The following COL24A1 variants were observed in gnomAD, a reference collection of about 807,000 sequenced individuals.
COL24A1 encodes collagen type XXIV alpha 1 chain.
Under a neutral mutation model 253.9 loss-of-function variants are expected in COL24A1, and 224 were observed. The observed-to-expected ratio is 0.88, with a 90% CI of 0.79 to 0.99. The LOEUF (loss-of-function observed/expected upper bound fraction) is 0.99. Ranked by LOEUF, COL24A1 falls within the 50% of genes least tolerant of loss-of-function variation. COL24A1 has a pLI of 0.00. For missense variants in COL24A1, 2,131 were observed against 2,068.5 expected, an observed-to-expected ratio of 1.03 and a Z score of -0.59; for synonymous variants, 685 against 673.7, an observed-to-expected ratio of 1.02 and a Z score of -0.26.
At position 85,734,786 on chromosome 1, in the gene COL24A1, G is replaced by GTGTT. The variant is rs1663871623; in HGVS notation, c.4957_4960dup (p.Thr1654LysfsTer5). On this transcript the variant is annotated frameshift_variant, in exon 59 of 60. Transcript: ENST00000370571. LOFTEE classifies it high-confidence loss of function. ...TGAAAGCACTTTAGGTTCAAGTAGAGTGTTTACTTTAAAAATCTGGCCATT... is the reference window on the plus strand; with the variant it reads ...TGAAAGCACTTTAGGTTCAAGTAGAGTGTTTGTTTACTTTAAAAATCTGGCCATT... 1.2e-6 allele frequency: 2 copies of GTGTT among 1,614,196 alleles called. No individual in the cohort carries two copies. Among genetic ancestry groups the GTGTT allele is most frequent in the Non-Finnish European group, 1.7e-6 (2 of 1,180,038 alleles).
Position 85,734,853 on chromosome 1 carries a change from G to T in COL24A1, c.4894C>A (p.Gln1632Lys), listed in dbSNP as rs1198226567. ...CLNTPRWTST[Q>K]TSGPGLPIGF... is the part of the protein sequence containing the mutation. ...ATAGGCAATCCTGGGCCACTTGTTTGTGTGCTTGTCCACCTTGGGGTGTTT... is the reference window on the plus strand; with the variant it reads ...ATAGGCAATCCTGGGCCACTTGTTTTTGTGCTTGTCCACCTTGGGGTGTTT... The change falls in exon 59 of 60, where the codon CAA (glutamine) becomes AAA (lysine). Residue 1632 changes from glutamine (Q) to lysine (K), a missense_variant. By Grantham distance (53) the Gln-to-Lys change is moderately conservative (BLOSUM62 1). Coordinates refer to ENST00000370571, the MANE Select transcript of COL24A1 (RefSeq NM_152890.7). 3 of 1,614,066 alleles carry T rather than the reference G, an allele frequency of 1.9e-6. No homozygotes were observed. The highest frequency in any genetic ancestry group is 2.5e-6 in the Non-Finnish European group (3 of 1,180,038).
At chr1:85,814,873 T>A (rs1382776326) in intron 47 of COL24A1, among the ~76,000 whole-genome samples, 1 of 152,214 alleles carries the variant, frequency 6.6e-6, no homozygotes, top group Non-Finnish European at 1.5e-5. Flanking sequence ...ATATATAGGA[T>A]ACTGGTTTCT....
chr1:85,855,645 T>G (rs1678342623), intron 37 of COL24A1, among the ~76,000 whole-genome samples: 1 of 152,234 alleles, frequency 6.6e-6, no homozygotes, highest in South Asian at 2.1e-4. Context: ...GCATCTATGT[T>G]CAACAGGGAT....
At chr1:86,077,694 T>C (rs1702351385) in intron 7 of COL24A1, among the ~76,000 whole-genome samples, 1 of 152,140 alleles carries the variant, frequency 6.6e-6, no homozygotes, top group African/African-American at 2.4e-5. Context: ...TGCAGGGACA[T>C]GGATGAAGCT....
At chr1:86,002,051 T>C (rs1695467174) in intron 19 of COL24A1, among the ~76,000 whole-genome samples, 1 of 152,208 alleles carries the variant, frequency 6.6e-6, no homozygotes, top group Non-Finnish European at 1.5e-5. Flanking sequence ...TTGACATATA[T>C]AATAGATATC....
chr1:86,021,298 T>G (rs1205960956), intron 18 of COL24A1, among the ~76,000 whole-genome samples: 1 of 152,172 alleles, frequency 6.6e-6, no homozygotes, highest in African/African-American at 2.4e-5. Flanking sequence ...CTATATCTAA[T>G]TTTTTCTATC....
At chr1:86,022,458 A>G in intron 17 of COL24A1, 80 bp downstream of exon 17, 3 of 1,352,490 alleles carry the variant, frequency 2.2e-6, no homozygotes, top group South Asian at 2.5e-5. Context: ...AACACAATAC[A>G]TGGATAAAAT....
chr1:85,745,133 T>C lies in COL24A1; in HGVS notation c.4504-299A>G, dbSNP rs72948683. On this transcript the variant is annotated intron_variant, in intron 56 of 59. Transcript: ENST00000370571. Reference sequence around the variant, plus strand: ...AGTTTAAATAAATGAGTAGTGATAATATATATATCTCATTTTAAGAAACAT... The same window carrying C: ...AGTTTAAATAAATGAGTAGTGATAACATATATATCTCATTTTAAGAAACAT... Among the ~76,000 whole-genome samples the C allele has an allele frequency of 8.8e-3, 1,339 of 152,158 alleles. 19 individuals are homozygous for C. The highest frequency in any genetic ancestry group is 0.031 in the African/African-American group (1,268 of 41,552).
chr1:85,743,881 CAT>C (rs1486826247), intron 57 of COL24A1, among the ~76,000 whole-genome samples: 1 of 152,008 alleles, frequency 6.6e-6, no homozygotes, highest in Non-Finnish European at 1.5e-5. Context: ...ATGTTTTGGA[CAT>C]GTGTGTATGT....
At chr1:86,113,362 A>G (rs919900447) in intron 4 of COL24A1, among the ~76,000 whole-genome samples, 7 of 152,148 alleles carry the variant, frequency 4.6e-5, no homozygotes, top group African/African-American at 1.2e-4. Context: ...GCTTACTTCA[A>G]TTTTGTACCC....
chr1:85,980,434 A>G (rs758141178), intron 20 of COL24A1, among the ~76,000 whole-genome samples: 1 of 152,158 alleles, frequency 6.6e-6, no homozygotes, highest in Admixed American at 6.5e-5. Context: ...AAAACCCTAA[A>G]GTCTCATCCG....
intron 37 of COL24A1, among the ~76,000 whole-genome samples, chr1:85,851,288 A>G (rs1677741935): frequency 6.6e-6 from 1 of 151,968 alleles, no homozygotes; most frequent in South Asian, 2.1e-4. Flanking sequence ...TCTTTAATTC[A>G]TTTACTTAAA....
chr1:86,128,677 A>G (rs1014387747), intron 2 of COL24A1, among the ~76,000 whole-genome samples: 1 of 151,932 alleles, frequency 6.6e-6, no homozygotes, highest in Non-Finnish European at 1.5e-5. Flanking sequence ...ATGTTTCTTT[A>G]TATGTATATT....
chr1:86,061,236 A>G (rs2101763321), intron 8 of COL24A1, among the ~76,000 whole-genome samples: 1 of 152,226 alleles, frequency 6.6e-6, no homozygotes. Flanking sequence ...GATTTGCTCT[A>G]GTATATTTAC....
chr1:86,078,638 C>T (rs748775194), intron 7 of COL24A1, among the ~76,000 whole-genome samples: 1 of 151,962 alleles, frequency 6.6e-6, no homozygotes, highest in African/African-American at 2.4e-5. Flanking sequence ...AATCAACATA[C>T]AAAAATCAGT....
chr1:86,021,803 G>T (rs949200736), intron 18 of COL24A1, among the ~76,000 whole-genome samples: 3 of 151,570 alleles, frequency 2.0e-5, no homozygotes, highest in Admixed American at 6.6e-5. Context: ...GATGTCCAAG[G>T]GTCAGGAAAA....
intron 51 of COL24A1, among the ~76,000 whole-genome samples, chr1:85,782,737 C>G (rs968444477): frequency 6.6e-6 from 1 of 152,152 alleles, no homozygotes; most frequent in African/African-American, 2.4e-5. Context: ...TTTTTCCTCT[C>G]TCTGCTCTTT....
intron 12 of COL24A1, among the ~76,000 whole-genome samples, chr1:86,039,859 G>C (rs888070558): frequency 3.3e-5 from 5 of 152,168 alleles, no homozygotes; most frequent in Non-Finnish European, 7.4e-5. Flanking sequence ...GAAGTATTCT[G>C]TGATGATCTA....
At chr1:85,734,085 T>C (rs1304604483) in intron 59 of COL24A1, among the ~76,000 whole-genome samples, 6 of 151,782 alleles carry the variant, frequency 4.0e-5, no homozygotes, top group Non-Finnish European at 5.9e-5. Flanking sequence ...GGATTTTTAA[T>C]AGAGACGGGG....
Sources: gnomAD v4.1 joint callset for allele counts (sites outside exome capture counted in the v4.1 genomes callset) on GRCh38, gnomAD v4.1.1 for gene constraint, MANE v1.5 for transcripts, NCBI Gene and HGNC (gene_info 2026-07-23, HGNC 2026-07-21) for gene names.